Variants in HERC2 observed in about 807,000 individuals in gnomAD.
HERC2 encodes E3 ubiquitin-protein ligase HERC2.
HERC2 carries 102 observed loss-of-function variants against 537.7 expected under a neutral mutation model. The ratio of observed to expected loss-of-function variants is 0.19; its 90% CI spans 0.16 to 0.22. The LOEUF (loss-of-function observed/expected upper bound fraction) is 0.22, where lower values mean the gene tolerates loss of function less well. Among genes scored for constraint, HERC2 ranks in the 10% least tolerant of loss-of-function variants. The pLI is 1.00. For missense variants in HERC2, 4,236 were observed against 6,198.2 expected (o/e 0.68, Z 10.63); for synonymous variants, 2,224 against 2,466.2 (o/e 0.90, Z 2.91).
At chr15:28,246,168 A>T in intron 22 of HERC2, 102 bp from the exon 23 acceptor site, 2 of 718,996 alleles carry the variant, frequency 2.8e-6, no homozygotes, top group Non-Finnish European at 4.5e-6. Flanking sequence ...AAAATAAGAA[A>T]TGTTTGTCCT....
At position 28,204,395 on chromosome 15, in the gene HERC2, G is replaced by A. The variant is rs376927575; in HGVS notation, c.7213-1781C>T. ...CCAGCACTTTGGGAGCCCGAGGAGG[G>A]CGGATCATGAGGTCAGGAGTTCGAG... is the stretch of plus-strand genomic sequence containing the variant. On this transcript the variant is annotated intron_variant, in intron 45 of 92. Transcript: ENST00000261609. Among the ~76,000 whole-genome samples the A allele has an allele frequency of 9.2e-5, 14 of 152,272 alleles. No individual in the cohort carries two copies. In the South Asian group the frequency reaches 2.3e-3, roughly 25 times the overall value.
intron 38 of HERC2, among the ~76,000 whole-genome samples, chr15:28,216,402 C>T (rs1899910409): frequency 6.6e-6 from 1 of 151,026 alleles, no homozygotes; most frequent in African/African-American, 2.4e-5. Flanking sequence ...ACTAGGTTTA[C>T]ACCACTGGAT....
intron 88 of HERC2, among the ~76,000 whole-genome samples, chr15:28,115,885 T>C (rs533626385): frequency 4.1e-4 from 62 of 152,298 alleles, no homozygotes; most frequent in African/African-American, 1.4e-3. Flanking sequence ...GTGCTGGCTG[T>C]GGTGGGACGC....
Position 28,268,317 on chromosome 15 carries a change from G to A in HERC2, c.1598+148C>T. 1 of 613,296 alleles carries A rather than the reference G, an allele frequency of 1.6e-6. No individual in the cohort carries two copies. Among genetic ancestry groups the A allele is most frequent in the African/African-American group, 1.9e-5 (1 of 53,892 alleles). The allele number at this position is 613,296 out of a possible 1,614,324, so 38.0% of individuals were successfully genotyped here. The stretch of plus-strand genomic sequence containing the variant: ...AGAGCTCCTAAGCCATCACCAAGGA[G>A]GAGGCATATCGTAGTGTCCTGCTCC... On this transcript the variant is annotated intron_variant, in intron 12 of 92. Coordinates refer to ENST00000261609, the MANE Select transcript of HERC2 (RefSeq NM_004667.6). The surrounding 1 kb of genome is among the most constrained non-coding windows in gnomAD (Gnocchi z 4.7).
Position 28,144,821 on chromosome 15 carries a change from C to T in HERC2, c.11009-17G>A, listed in dbSNP as rs1279025728. ...ACTCTCGGCCTGCGGGAGGAAAGCGCACCCCGGGGTTAGCTTCACTCCATC... is the reference window on the plus strand; with the variant it reads ...ACTCTCGGCCTGCGGGAGGAAAGCGTACCCCGGGGTTAGCTTCACTCCATC... On this transcript the variant is annotated splice_polypyrimidine_tract_variant and intron_variant, in intron 71 of 92. Coordinates refer to ENST00000261609, the MANE Select transcript of HERC2 (RefSeq NM_004667.6). 1 of 1,613,906 alleles carries T rather than the reference C, an allele frequency of 6.2e-7. No individual in the cohort carries two copies. Among genetic ancestry groups the T allele is most frequent in the African/African-American group, 1.3e-5 (1 of 74,926 alleles).
Position 28,176,008 on chromosome 15 carries a change from G to A in HERC2, c.9687-352C>T, listed in dbSNP as rs1895254481. Among the ~76,000 whole-genome samples, 1 of 152,108 alleles carries A rather than the reference G, an allele frequency of 6.6e-6. No individual in the cohort carries two copies. Among genetic ancestry groups the A allele is most frequent in the South Asian group, 2.1e-4 (1 of 4,824 alleles). On this transcript the variant is annotated intron_variant, in intron 63 of 92. Transcript: ENST00000261609. This position sits in a 1 kb window ranked among gnomAD's most constrained non-coding sequence, Gnocchi z 5.0. ...CCTCGGGTCATGACATTGGCACTAA[G>A]GCCTGACACACCATCCACAGCCAGT...
At chr15:28,199,470 G>A (rs930318470) in intron 48 of HERC2, among the ~76,000 whole-genome samples, 10 of 152,180 alleles carry the variant, frequency 6.6e-5, no homozygotes, top group African/African-American at 1.2e-4. Context: ...GCATCATTCT[G>A]AAAACTGATA....
At chr15:28,263,278 G>C in intron 14 of HERC2, 109 bp from the exon 15 acceptor site, 1 of 1,214,022 alleles carries the variant, frequency 8.2e-7, no homozygotes, top group Non-Finnish European at 1.1e-6. Context: ...AGACCACTCA[G>C]GTACATAGTT....
intron 78 of HERC2, among the ~76,000 whole-genome samples, chr15:28,141,037 A>G (rs886092167): frequency 6.6e-6 from 1 of 150,626 alleles, no homozygotes; most frequent in African/African-American, 2.4e-5. Context: ...CAGGAGTTCG[A>G]GACCAGCCTG....
In HERC2 at chr15:28,176,551, C is replaced by T; in HGVS notation, c.9563G>A (p.Gly3188Asp). Residue 3188 changes from glycine to aspartate, a missense_variant, in exon 63 of 93, where the codon GGC (glycine) becomes GAC (aspartate). By Grantham distance (94) the Gly-to-Asp change is moderately conservative. Transcript: ENST00000261609. The surrounding 1 kb of genome is among the most constrained non-coding windows in gnomAD (Gnocchi z 5.0). ...GDGDFGKLGR[G>D]GSEGCNIPQN... ...GGGAATGTTACAGCCTTCACTTCCG[C>T]CCCGGCCCAGTTTTCCAAAGTCACC... The T allele has an allele frequency of 1.2e-6, 2 of 1,614,180 alleles. No individual in the cohort carries two copies. Among genetic ancestry groups the T allele is most frequent in the Non-Finnish European group, 1.7e-6 (2 of 1,180,022 alleles).
chr15:28,178,854 C>T lies in HERC2; in HGVS notation c.9163+33G>A, dbSNP rs371520119. ...AACAACGGAGCAGGAGCAAAGGCCG[C>T]CCCGCACAGGCCTCCTGGTGCTTGG... is the stretch of plus-strand genomic sequence containing the variant. On this transcript the variant is annotated intron_variant, in intron 59 of 92. Coordinates refer to ENST00000261609, the MANE Select transcript of HERC2 (RefSeq NM_004667.6). 4 of 1,599,232 alleles carry T rather than the reference C, an allele frequency of 2.5e-6. No individual in the cohort carries two copies. In the African/African-American group the frequency reaches 5.4e-5, roughly 21 times the overall value.
chr15:28,155,379 C>A (rs2142369302), intron 69 of HERC2, among the ~76,000 whole-genome samples: 1 of 152,296 alleles, frequency 6.6e-6, no homozygotes, highest in East Asian at 1.9e-4. Flanking sequence ...TACACTCCCA[C>A]CAACAGTGTA....
rs541674167 is a variant in HERC2 at position 28,155,760 on chromosome 15, A to G, written c.10747-2930T>C. Among the ~76,000 whole-genome samples, 593 of 152,110 alleles carry G rather than the reference A, an allele frequency of 3.9e-3. 6 individuals carry two copies. The highest frequency in any genetic ancestry group is 0.014 in the African/African-American group (563 of 41,448). On this transcript the variant is annotated intron_variant, in intron 69 of 92. Transcript: ENST00000261609. ...TTCTTTTGCTGTGCAGAAGCTCTTT[A>G]GTTTAATTGGATCCCATTTGTCAAT...
At chr15:28,120,826 GA>G (rs1888799739) in intron 86 of HERC2, among the ~76,000 whole-genome samples, 2 of 152,336 alleles carry the variant, frequency 1.3e-5, no homozygotes, top group Admixed American at 1.3e-4. Flanking sequence ...CTGTACCACA[GA>G]AAAGTGGGCA....
intron 20 of HERC2, among the ~76,000 whole-genome samples, chr15:28,249,159 TG>T (rs1175212946): frequency 2.6e-5 from 4 of 152,202 alleles, no homozygotes; most frequent in Non-Finnish European, 4.4e-5. Flanking sequence ...CATTATTTTT[TG>T]TCCAAAGCTG....
At chr15:28,145,341 A>G (rs1891628841) in intron 71 of HERC2, among the ~76,000 whole-genome samples, 1 of 152,216 alleles carries the variant, frequency 6.6e-6, no homozygotes. Flanking sequence ...CCTAAGATCT[A>G]CAGGATCTTA....
chr15:28,139,140 AT>A (rs1262330899), intron 78 of HERC2, among the ~76,000 whole-genome samples: 1 of 152,246 alleles, frequency 6.6e-6, no homozygotes, highest in Non-Finnish European at 1.5e-5. Flanking sequence ...TATTGTGTTG[AT>A]TTAGAACCAA....
intron 17 of HERC2, 109 bp downstream of exon 17, chr15:28,256,952 A>G (rs1378927747): frequency 3.7e-5 from 35 of 940,588 alleles, no homozygotes; most frequent in Non-Finnish European, 3.3e-6. Context: ...CTTACTTTAA[A>G]ATATTTCACC....
chr15:28,241,411 G>T (rs1903103740), intron 23 of HERC2, among the ~76,000 whole-genome samples: 1 of 151,560 alleles, frequency 6.6e-6, no homozygotes, highest in Non-Finnish European at 1.5e-5. Context: ...GCACACTACT[G>T]ACAGGAACAT....
Sources: allele counts gnomAD v4.1 joint callset (sites outside exome capture counted in the v4.1 genomes callset), GRCh38; gene constraint gnomAD v4.1.1; non-coding constraint Gnocchi (gnomAD v3.1); transcripts MANE v1.5; gene names NCBI Gene and HGNC (gene_info 2026-07-23, HGNC 2026-07-21).